ZFHX3: variants seen among roughly 807,000 people sequenced by gnomAD.
ZFHX3 encodes zinc finger homeobox protein 3.
A neutral mutation model predicts 279.1 loss-of-function variants in ZFHX3; 42 were observed. The ratio of observed to expected loss-of-function variants is 0.15; its 90% confidence interval spans 0.12 to 0.19. The LOEUF is 0.19. Among genes scored for constraint, ZFHX3 ranks in the 10% least tolerant of loss-of-function variants. The pLI is 1.00. For synonymous variants in ZFHX3, 2,293 were observed against 1,957.8 expected, an observed-to-expected ratio of 1.17 and a Z score of -4.52; for missense variants, 4,981 against 4,754.0, an observed-to-expected ratio of 1.05 and a Z score of -1.40.
At chr16:72,980,759 A>C (rs1962560802) in intron 1 of ZFHX3, among the ~76,000 whole-genome samples, 1 of 152,176 alleles carries the variant, frequency 6.6e-6, no homozygotes, top group South Asian at 2.1e-4. Context: ...GTCTCAAAAA[A>C]AGTCAGTTTT....
intron 1 of ZFHX3, among the ~76,000 whole-genome samples, chr16:73,024,877 C>T (rs1184771527): frequency 6.6e-6 from 1 of 152,196 alleles, no homozygotes; most frequent in Non-Finnish European, 1.5e-5. Flanking sequence ...GGCTACATGT[C>T]CCCCAGAAGG....
chr16:73,032,970 G>C (rs1964763070), intron 1 of ZFHX3, among the ~76,000 whole-genome samples: 1 of 152,212 alleles, frequency 6.6e-6, no homozygotes, highest in African/African-American at 2.4e-5. Context: ...AGACCCCACT[G>C]GGTGCCAGGC....
intron 2 of ZFHX3, among the ~76,000 whole-genome samples, chr16:73,531,064 G>A (rs1336017523): frequency 2.0e-5 from 3 of 152,186 alleles, no homozygotes; most frequent in African/African-American, 7.2e-5. Context: ...TTTCTTCCAA[G>A]CTGTCACTAT....
At chr16:73,154,013 G>A (rs1309599411) in intron 5 of ZFHX3, among the ~76,000 whole-genome samples, 1 of 152,100 alleles carries the variant, frequency 6.6e-6, no homozygotes, top group African/African-American at 2.4e-5. Flanking sequence ...CTCAAAACAA[G>A]CATTCTTAAC....
chr16:73,330,967 AG>A (rs2015790605), intron 3 of ZFHX3, among the ~76,000 whole-genome samples: 1 of 152,116 alleles, frequency 6.6e-6, no homozygotes, highest in Non-Finnish European at 1.5e-5. Context: ...AGTGATCCTC[AG>A]GGGAAAATCT....
chr16:72,952,251 A>T (rs1326753997), intron 2 of ZFHX3, among the ~76,000 whole-genome samples: 1 of 152,140 alleles, frequency 6.6e-6, no homozygotes, highest in Non-Finnish European at 1.5e-5. Context: ...AAACAAAACA[A>T]AACAAAAAAA....
Position 72,811,583 on chromosome 16 carries a change from A to G in ZFHX3, c.3858T>C (p.Ile1286=), listed in dbSNP as rs1434250398. ...CTGCTCCTGGCTGCCTTACCGTCAT[A>G]ATGAGCTTCTCCACGCAGTCAGGTG... ...SVAPDCVEKL[I]MTVTTPEMVM... is the part of the protein sequence containing the mutation. Residue 1286 remains isoleucine, a synonymous_variant, in exon 7 of 10, where the codon ATT becomes ATC. Transcript: ENST00000268489. The G allele has an allele frequency of 2.5e-6, 4 of 1,591,694 alleles. No homozygotes were observed. In the African/African-American group the frequency reaches 5.4e-5, roughly 21 times the overall value.
chr16:72,953,610 T>G (rs894826264), intron 2 of ZFHX3, among the ~76,000 whole-genome samples: 2 of 152,146 alleles, frequency 1.3e-5, no homozygotes, highest in East Asian at 3.8e-4. Context: ...CTCTTTTTTT[T>G]TCAAGAGACA....
intron 1 of ZFHX3, among the ~76,000 whole-genome samples, chr16:73,045,831 G>T: frequency 6.8e-6 from 1 of 147,376 alleles, no homozygotes; most frequent in Non-Finnish European, 1.5e-5. Context: ...AGAGAGGGAA[G>T]TGACCCATGT....
chr16:72,874,977 A>G (rs74994206), intron 4 of ZFHX3, among the ~76,000 whole-genome samples: 7,221 of 152,318 alleles, frequency 0.047, 384 homozygotes, highest in African/African-American at 0.12. Flanking sequence ...AACCTGGGAC[A>G]GAAGTCCTGG....
chr16:73,686,251 C>T (rs2142201779), intron 1 of ZFHX3, among the ~76,000 whole-genome samples: 1 of 152,220 alleles, frequency 6.6e-6, no homozygotes, highest in East Asian at 1.9e-4. Flanking sequence ...CCCACCACCA[C>T]ACCTGGCTAA....
intron 2 of ZFHX3, among the ~76,000 whole-genome samples, chr16:73,525,457 C>T (rs1000230983): frequency 3.9e-5 from 6 of 152,100 alleles, no homozygotes; most frequent in Non-Finnish European, 7.3e-5. Context: ...GAGGATCTCA[C>T]GGAAAAGAGG....
intron 1 of ZFHX3, among the ~76,000 whole-genome samples, chr16:73,852,186 C>G (rs1479613918): frequency 6.6e-6 from 1 of 152,200 alleles, no homozygotes; most frequent in Non-Finnish European, 1.5e-5. Context: ...TAACTGCAGG[C>G]TGTTTTGTTC....
At chr16:72,908,552 T>G (rs1299510116) in intron 3 of ZFHX3, among the ~76,000 whole-genome samples, 2 of 152,308 alleles carry the variant, frequency 1.3e-5, no homozygotes, top group East Asian at 1.9e-4. Context: ...TTCACTTACC[T>G]TGCTAATGAA....
intron 3 of ZFHX3, among the ~76,000 whole-genome samples, chr16:73,371,753 C>G (rs2016635486): frequency 6.6e-6 from 1 of 152,180 alleles, no homozygotes; most frequent in Non-Finnish European, 1.5e-5. Flanking sequence ...TTTTCCATAC[C>G]TCGCTCCACT....
intron 3 of ZFHX3, among the ~76,000 whole-genome samples, chr16:73,357,216 C>A (rs554621389): frequency 6.6e-6 from 1 of 151,968 alleles, no homozygotes; most frequent in African/African-American, 2.4e-5. Context: ...TAATAATACC[C>A]CCCACCACAA....
intron 5 of ZFHX3, among the ~76,000 whole-genome samples, chr16:73,244,644 A>G (rs1281853446): frequency 1.3e-5 from 2 of 152,174 alleles, no homozygotes; most frequent in East Asian, 1.9e-4. Flanking sequence ...TACCAGCCCC[A>G]TGTCCAGCGG....
At chr16:73,429,401 C>T (rs1435959970) in intron 3 of ZFHX3, among the ~76,000 whole-genome samples, 2 of 152,062 alleles carry the variant, frequency 1.3e-5, no homozygotes, top group South Asian at 2.1e-4. Context: ...GGTGCAATCT[C>T]GACTCACTGC....
intron 3 of ZFHX3, among the ~76,000 whole-genome samples, chr16:73,405,860 T>C (rs1429968413): frequency 6.6e-6 from 1 of 152,198 alleles, no homozygotes; most frequent in South Asian, 2.1e-4. Flanking sequence ...TTATGTTCAT[T>C]TGGAATCTTC....
Sources: gnomAD v4.1 joint callset for allele counts (sites outside exome capture counted in the v4.1 genomes callset) on GRCh38, gnomAD v4.1.1 for gene constraint, MANE v1.5 for transcripts, NCBI Gene and HGNC (gene_info 2026-07-23, HGNC 2026-07-21) for gene names.